The following ANK2 variants were observed in gnomAD, a reference collection of about 807,000 sequenced individuals.
ANK2 encodes the protein ankyrin 2.
A neutral mutation model predicts 360.5 loss-of-function variants in ANK2; 83 were observed. The ratio of observed to expected loss-of-function variants is 0.23; its 90% CI spans 0.19 to 0.28. ANK2 has a LOEUF of 0.28. Among genes scored for constraint, ANK2 ranks in the 10% least tolerant of loss-of-function variants. The probability of loss-of-function intolerance (pLI) is 1.00; values close to 1 mark genes in which losing one functional copy is unlikely to be tolerated. For missense variants in ANK2, 4,201 were observed against 4,795.7 expected, an observed-to-expected ratio of 0.88 and a Z score of 3.66; for synonymous variants, 1,740 against 1,759.5, an observed-to-expected ratio of 0.99 and a Z score of 0.28.
the ANK2 span, among the ~76,000 whole-genome samples, chr4:112,746,490 C>A: frequency 3.0e-5 from 4 of 133,908 alleles, no homozygotes; most frequent in African/African-American, 1.2e-4. Flanking sequence ...CTTGGGCAAC[C>A]GAGTGAGATG....
intron 2 of ANK2, among the ~76,000 whole-genome samples, chr4:113,032,816 C>T (rs1234459746): frequency 2.0e-5 from 3 of 152,046 alleles, no homozygotes; most frequent in Non-Finnish European, 4.4e-5. Flanking sequence ...TTAGAATACT[C>T]ACTCAGGTGC....
chr4:113,349,572 C>T (rs1212795214), intron 36 of ANK2, among the ~76,000 whole-genome samples: 1 of 152,002 alleles, frequency 6.6e-6, no homozygotes, highest in African/African-American at 2.4e-5. Flanking sequence ...CAACTTAAGA[C>T]TGAAGTCATT....
chr4:112,972,768 T>C lies in ANK2; in HGVS notation c.21+68254T>C, dbSNP rs1014871846. Among the ~76,000 whole-genome samples, 11 of 152,132 alleles carry C rather than the reference T, an allele frequency of 7.2e-5. No homozygotes were observed. In the East Asian group the frequency reaches 7.7e-4, roughly 11 times the overall value. On this transcript the variant is annotated intron_variant, in intron 2 of 30. Coordinates refer to the ANK2 transcript ENST00000503271. Reference sequence around the variant, plus strand: ...GCAACTGCAAAGATATGGAACCAACTTGAGTGTCCATTGACCAACGAGTGG... The same window carrying C: ...GCAACTGCAAAGATATGGAACCAACCTGAGTGTCCATTGACCAACGAGTGG...
intron 5 of ANK2, among the ~76,000 whole-genome samples, chr4:113,232,928 A>T (rs1193932029): frequency 6.6e-6 from 1 of 151,968 alleles, no homozygotes; most frequent in Non-Finnish European, 1.5e-5. Flanking sequence ...AGGCAGATTA[A>T]GGAGCAAGTT....
chr4:113,343,893 C>A (rs1036663337), intron 34 of ANK2, among the ~76,000 whole-genome samples: 2 of 152,152 alleles, frequency 1.3e-5, no homozygotes, highest in African/African-American at 2.4e-5. Flanking sequence ...TATAGGCTGG[C>A]TTCTGTCGTT....
At chr4:112,712,656 C>T in the ANK2 span, among the ~76,000 whole-genome samples, 3 of 151,914 alleles carry the variant, frequency 2.0e-5, no homozygotes, top group African/African-American at 7.3e-5. Flanking sequence ...ATCCGCCCAC[C>T]TTGGCCTCCC....
intron 2 of ANK2, among the ~76,000 whole-genome samples, chr4:113,044,366 T>C (rs1164201687): frequency 6.6e-6 from 1 of 152,178 alleles, no homozygotes; most frequent in Non-Finnish European, 1.5e-5. Context: ...AGATTACTCA[T>C]GGGAGGGTTT....
rs955361052 is a variant in ANK2, at chr4:113,250,301, A to T, written c.990+439A>T. 2.6e-5 allele frequency among the ~76,000 whole-genome samples: 4 copies of T among 152,334 alleles called. No individual in the cohort carries two copies. In the South Asian group the frequency reaches 8.3e-4, roughly 32 times the overall value. On this transcript the variant is annotated intron_variant, in intron 10 of 45. Coordinates refer to ENST00000357077, the MANE Select transcript of ANK2 (RefSeq NM_001148.6). ...TATCTCTTAGGCAATACTAATAAAAAGTAATTACTCAACAGTGGCATTGGT... is the reference window on the plus strand; with the variant it reads ...TATCTCTTAGGCAATACTAATAAAATGTAATTACTCAACAGTGGCATTGGT...
chr4:113,178,966 G>T (rs1252336245), intron 2 of ANK2, among the ~76,000 whole-genome samples: 1 of 152,226 alleles, frequency 6.6e-6, no homozygotes, highest in African/African-American at 2.4e-5. Flanking sequence ...TTATCTTAAA[G>T]CTCAAAACTT....
At chr4:112,956,518 C>T (rs2095337114) in intron 2 of ANK2, among the ~76,000 whole-genome samples, 1 of 152,184 alleles carries the variant, frequency 6.6e-6, no homozygotes, top group African/African-American at 2.4e-5. Context: ...AACAGTCGAT[C>T]TGATAATGGA....
At chr4:112,947,808 A>G (rs1036276586) in intron 2 of ANK2, among the ~76,000 whole-genome samples, 3 of 152,246 alleles carry the variant, frequency 2.0e-5, no homozygotes, top group Non-Finnish European at 4.4e-5. Context: ...CTAAGCATGC[A>G]TGCAGTGAAC....
At chr4:113,036,699 G>T (rs1418727218) in intron 2 of ANK2, among the ~76,000 whole-genome samples, 1 of 151,702 alleles carries the variant, frequency 6.6e-6, no homozygotes, top group Non-Finnish European at 1.5e-5. Flanking sequence ...GAAACTTTCT[G>T]TTGAAATAAT....
At chr4:112,782,566 G>A in the ANK2 span, among the ~76,000 whole-genome samples, 2 of 151,734 alleles carry the variant, frequency 1.3e-5, no homozygotes, top group Non-Finnish European at 2.9e-5. Context: ...CATGCTACAG[G>A]TGAAGAAACC....
chr4:112,879,021 G>GA (rs1434839123), intron 1 of ANK2, among the ~76,000 whole-genome samples: 3 of 152,028 alleles, frequency 2.0e-5, no homozygotes, highest in African/African-American at 7.2e-5. Context: ...AGGAGCTCAG[G>GA]AAAAATATCA....
chr4:113,383,511 T>C lies in ANK2; in HGVS notation c.*2040T>C, dbSNP rs2097202341. 1 of 152,688 alleles carries C rather than the reference T, an allele frequency of 6.5e-6. No homozygotes were observed. Among genetic ancestry groups the C allele is most frequent in the Non-Finnish European group, 1.5e-5 (1 of 68,058 alleles). The allele number at this position is 152,688 out of a possible 1,614,324, so 9.5% of individuals were successfully genotyped here. ...ACAACATAATGGTTATTCACCTTTT[T>C]TTGATTTTGATTTTTGCTGTGTTAT... On this transcript the variant is annotated 3_prime_UTR_variant, in exon 46 of 46. Coordinates refer to ENST00000357077, the MANE Select transcript of ANK2 (RefSeq NM_001148.6).
intron 2 of ANK2, among the ~76,000 whole-genome samples, chr4:113,176,720 G>A (rs765930351): frequency 2.0e-5 from 3 of 151,900 alleles, no homozygotes; most frequent in Non-Finnish European, 4.4e-5. Flanking sequence ...ATGTTGGTGT[G>A]CTGCACCCAT....
chr4:112,837,722 A>G (rs770356354), intron 1 of ANK2, among the ~76,000 whole-genome samples: 1 of 152,166 alleles, frequency 6.6e-6, no homozygotes, highest in African/African-American at 2.4e-5. Flanking sequence ...TTTAAGGTTT[A>G]ATGACCACCT....
chr4:112,945,949 G>A (rs1270635951), intron 2 of ANK2, among the ~76,000 whole-genome samples: 1 of 152,140 alleles, frequency 6.6e-6, no homozygotes, highest in Non-Finnish European at 1.5e-5. Context: ...CTGAACCCGG[G>A]GTGGTTCAGG....
chr4:112,763,994 A>G, the ANK2 span, among the ~76,000 whole-genome samples: 3 of 152,168 alleles, frequency 2.0e-5, no homozygotes, highest in African/African-American at 7.2e-5. Context: ...TCCAGGCTGG[A>G]GTGCAGTGGT....
Sources: gnomAD v4.1 joint callset for allele counts (sites outside exome capture counted in the v4.1 genomes callset) on GRCh38, gnomAD v4.1.1 for gene constraint, MANE v1.5 for transcripts, NCBI Gene and HGNC (gene_info 2026-07-23, HGNC 2026-07-21) for gene names.